The following MAD1L1 variants were observed in gnomAD, a reference collection of about 807,000 sequenced individuals.
The protein encoded by MAD1L1 is mitotic spindle assembly checkpoint protein MAD1.
In MAD1L1, 95 loss-of-function variants were observed where a neutral mutation model predicts 96.9. The observed-to-expected ratio is 0.98, with a 90% CI of 0.83 to 1.16. The LOEUF (loss-of-function observed/expected upper bound fraction) is 1.16, where lower values mean the gene tolerates loss of function less well. Ranked by LOEUF, MAD1L1 falls within the 50% of genes most tolerant of loss-of-function variation. The probability of loss-of-function intolerance (pLI) is 0.00; values close to 1 mark genes in which losing one functional copy is unlikely to be tolerated. For synonymous variants in MAD1L1, 473 were observed against 396.6 expected (o/e 1.19, Z -2.29); for missense variants, 1,007 against 954.4 (o/e 1.06, Z -0.73).
At chr7:1,897,913 G>T (rs893009318) in intron 18 of MAD1L1, among the ~76,000 whole-genome samples, 17 of 152,246 alleles carry the variant, frequency 1.1e-4, no homozygotes, top group African/African-American at 3.9e-4. Context: ...AGCCCTCATG[G>T]AACGAAGCCC....
chr7:2,102,699 C>T (rs1014574523), intron 11 of MAD1L1, among the ~76,000 whole-genome samples: 2 of 151,446 alleles, frequency 1.3e-5, no homozygotes, highest in African/African-American at 2.4e-5. Flanking sequence ...CACACCATCA[C>T]CACCGTCACC....
At chr7:2,046,087 G>A (rs1466365816) in intron 12 of MAD1L1, among the ~76,000 whole-genome samples, 2 of 152,156 alleles carry the variant, frequency 1.3e-5, no homozygotes, top group Non-Finnish European at 2.9e-5. Flanking sequence ...GAGTCAAGGA[G>A]GGTCCCATGT....
At chr7:2,040,156 G>A (rs1448524652) in intron 12 of MAD1L1, among the ~76,000 whole-genome samples, 1 of 152,202 alleles carries the variant, frequency 6.6e-6, no homozygotes, top group African/African-American at 2.4e-5. Flanking sequence ...ATTAATAACG[G>A]AGGTGAAATG....
chr7:1,874,528 T>C (rs1033573984), intron 18 of MAD1L1: 4 of 455,444 alleles, frequency 8.8e-6, no homozygotes, highest in Admixed American at 2.4e-5. Context: ...GCACAGCTTG[T>C]GGCTGAGTGC....
intron 17 of MAD1L1, among the ~76,000 whole-genome samples, chr7:1,911,502 C>T (rs558627217): frequency 1.8e-4 from 27 of 152,334 alleles, no homozygotes; most frequent in African/African-American, 6.5e-4. Flanking sequence ...CACAGTCCTC[C>T]CAGACACCCC....
intron 12 of MAD1L1, among the ~76,000 whole-genome samples, chr7:2,066,203 C>A (rs892834195): frequency 6.6e-6 from 1 of 152,256 alleles, no homozygotes; most frequent in Non-Finnish European, 1.5e-5. Flanking sequence ...CCAGAGCCCC[C>A]ACCAGCCGGA....
At chr7:1,847,813 G>A (rs1272687110) in intron 18 of MAD1L1, 9 of 412,338 alleles carry the variant, frequency 2.2e-5, no homozygotes, top group Admixed American at 7.6e-5. Context: ...CCCCTTGGCC[G>A]GCTCCAGGCC....
At chr7:1,916,237 C>T (rs981258652) in intron 17 of MAD1L1, among the ~76,000 whole-genome samples, 25 of 152,200 alleles carry the variant, frequency 1.6e-4, no homozygotes, top group African/African-American at 5.5e-4. Flanking sequence ...TCCTCTCCTC[C>T]CTAGAATGTG....
intron 12 of MAD1L1, among the ~76,000 whole-genome samples, chr7:2,049,847 G>A (rs10257899): frequency 0.046 from 6,838 of 149,320 alleles, 233 homozygotes; most frequent in African/African-American, 0.097. Flanking sequence ...CAGACCACAC[G>A]TTCACAGGGC....
At chr7:2,039,823 T>C (rs182723678) in intron 12 of MAD1L1, among the ~76,000 whole-genome samples, 227 of 152,222 alleles carry the variant, frequency 1.5e-3, no homozygotes, top group African/African-American at 5.3e-3. Context: ...TGTCTTTTCA[T>C]CTCTTCACAG....
chr7:1,995,475 C>T (rs1002152843), intron 14 of MAD1L1, among the ~76,000 whole-genome samples: 2 of 152,192 alleles, frequency 1.3e-5, no homozygotes, highest in Admixed American at 6.5e-5. Context: ...TGTGGCCACA[C>T]AGCAAGAGAG....
intron 18 of MAD1L1, among the ~76,000 whole-genome samples, chr7:1,835,162 T>C (rs890303730): frequency 3.1e-4 from 47 of 151,972 alleles, no homozygotes; most frequent in African/African-American, 1.1e-3. Flanking sequence ...AGAAGAGAAC[T>C]TCCTCAGCCT....
intron 18 of MAD1L1, among the ~76,000 whole-genome samples, chr7:1,867,683 C>T (rs528581260): frequency 1.1e-4 from 16 of 152,294 alleles, no homozygotes; most frequent in African/African-American, 3.6e-4. Flanking sequence ...AGAAGGGCCA[C>T]GCTTCCTGGC....
intron 18 of MAD1L1, among the ~76,000 whole-genome samples, chr7:1,825,681 T>C (rs1383708775): frequency 6.6e-6 from 1 of 152,242 alleles, no homozygotes; most frequent in Non-Finnish European, 1.5e-5. Flanking sequence ...CACACAGCTC[T>C]GCACGAGCCT....
At chr7:1,850,793 C>T (rs572468003) in intron 18 of MAD1L1, among the ~76,000 whole-genome samples, 2 of 152,356 alleles carry the variant, frequency 1.3e-5, no homozygotes, top group South Asian at 4.1e-4. Flanking sequence ...ACAGCAAACA[C>T]ATGTTCACTG....
At chr7:2,062,822 C>G (rs759071762) in intron 12 of MAD1L1, among the ~76,000 whole-genome samples, 4 of 152,180 alleles carry the variant, frequency 2.6e-5, no homozygotes, top group Non-Finnish European at 4.4e-5. Flanking sequence ...TGGAACACCT[C>G]ACACGTCAGG....
chr7:1,857,708 C>T (rs1175963097), intron 18 of MAD1L1, among the ~76,000 whole-genome samples: 19 of 152,198 alleles, frequency 1.2e-4, no homozygotes, highest in Admixed American at 1.2e-3. Context: ...GGAGTGTGGG[C>T]AAGGCCAGGG....
chr7:2,055,571 G>A (rs1233071091), intron 12 of MAD1L1, among the ~76,000 whole-genome samples: 1 of 151,802 alleles, frequency 6.6e-6, no homozygotes, highest in East Asian at 1.9e-4. Context: ...TCGGGAGGCT[G>A]AGGCAGGAGA....
At chr7:1,890,134 G>A (rs951580950) in intron 18 of MAD1L1, among the ~76,000 whole-genome samples, 2 of 152,288 alleles carry the variant, frequency 1.3e-5, no homozygotes, top group Non-Finnish European at 2.9e-5. Flanking sequence ...CACACGCTCT[G>A]TCTGGTGTGG....
Sources: allele counts gnomAD v4.1 joint callset (sites outside exome capture counted in the v4.1 genomes callset), GRCh38; gene constraint gnomAD v4.1.1; transcripts MANE v1.5; gene names NCBI Gene and HGNC (gene_info 2026-07-23, HGNC 2026-07-21).